Variants in HMG20A observed in about 807,000 individuals in gnomAD.
The protein encoded by HMG20A is high mobility group protein 20A.
A neutral mutation model predicts 43.9 loss-of-function variants in HMG20A; 17 were observed. That is an observed-to-expected ratio of 0.39 (90% CI 0.27 to 0.58). The LOEUF (loss-of-function observed/expected upper bound fraction) is 0.58, where lower values mean the gene tolerates loss of function less well. HMG20A is among the 20% of genes least tolerant of loss of function. HMG20A has a pLI of 0.59. For synonymous variants in HMG20A, 132 were observed against 147.5 expected (o/e 0.89, Z 0.76); for missense variants, 341 against 438.2 (o/e 0.78, Z 1.98).
intron 1 of HMG20A, chr15:77,458,150 A>T (rs2072672998): frequency 3.3e-6 from 1 of 304,504 alleles, no homozygotes; most frequent in Non-Finnish European, 6.2e-6. Context: ...AATAAAAAGG[A>T]ATTTTCCAAA....
At chr15:77,424,224 T>C in intron 1 of HMG20A, among the ~76,000 whole-genome samples, 1 of 152,130 alleles carries the variant, frequency 6.6e-6, no homozygotes, top group East Asian at 1.9e-4. Context: ...GCCTAATTTT[T>C]CTCCAGACCA....
rs2073702129 is a variant in HMG20A, at chr15:77,448,696, T to C, written c.-4-9708T>C. On this transcript the variant is annotated intron_variant, in intron 1 of 9. Coordinates refer to ENST00000336216, the MANE Select transcript of HMG20A (RefSeq NM_001304504.2). ...TGGTCATTGCTGTATTCCCAATGCATAGAAAATGCCCAGGATAGTAGATAA... is the reference window on the plus strand; with the variant it reads ...TGGTCATTGCTGTATTCCCAATGCACAGAAAATGCCCAGGATAGTAGATAA... 2.0e-5 allele frequency among the ~76,000 whole-genome samples: 3 copies of C among 152,194 alleles called. No homozygotes were observed. In the South Asian group the frequency reaches 6.2e-4, roughly 32 times the overall value.
At chr15:77,434,248 G>GA (rs200189935) in intron 1 of HMG20A, among the ~76,000 whole-genome samples, 1,566 of 152,194 alleles carry the variant, frequency 0.01, 19 homozygotes, top group African/African-American at 0.034. Context: ...AGCTAAATGT[G>GA]AAAGAAAAAT....
chr15:77,433,006 TA>T (rs1290893600), intron 1 of HMG20A, among the ~76,000 whole-genome samples: 3 of 152,144 alleles, frequency 2.0e-5, no homozygotes, highest in Admixed American at 6.5e-5. Context: ...AATTGGCATA[TA>T]AAAAATTGAC....
At chr15:77,474,257 T>C (rs987104112) in intron 6 of HMG20A, among the ~76,000 whole-genome samples, 4 of 152,144 alleles carry the variant, frequency 2.6e-5, no homozygotes, top group Non-Finnish European at 4.4e-5. Context: ...AGCAAATATC[T>C]TGCAGTGTCT....
chr15:77,487,747 G>A (rs1567411093), downstream of HMG20A, among the ~76,000 whole-genome samples: 1 of 152,196 alleles, frequency 6.6e-6, no homozygotes, highest in African/African-American at 2.4e-5. Context: ...CCCTCTGAAA[G>A]AATTTCCTGC....
chr15:77,433,698 T>C (rs1328793120), intron 1 of HMG20A, among the ~76,000 whole-genome samples: 1 of 152,038 alleles, frequency 6.6e-6, no homozygotes, highest in Non-Finnish European at 1.5e-5. Flanking sequence ...ATCAAACAAA[T>C]CAAATTTAAG....
Position 77,471,028 on chromosome 15 carries a change from A to G in HMG20A, c.569A>G (p.Lys190Arg). Residue 190 changes from lysine (K) to arginine (R), a missense_variant, in exon 5 of 10, where the codon AAA becomes AGA. Coordinates refer to ENST00000336216, the MANE Select transcript of HMG20A (RefSeq NM_001304504.2). ...AAAACCCAGGACCGTCAGAAAGGCA[A>G]ATCTCATAGGCAAGGTATCAAAACC... is the stretch of plus-strand genomic sequence containing the variant. Reference protein sequence around the residue: ...SRKTQDRQKGKSHRQDAARQA... With the variant: ...SRKTQDRQKGRSHRQDAARQA... 1.9e-6 allele frequency: 3 copies of G among 1,611,630 alleles called. No individual in the cohort carries two copies. Among genetic ancestry groups the G allele is most frequent in the African/African-American group, 1.3e-5 (1 of 74,844 alleles).
chr15:77,456,812 C>T (rs2142322303), intron 1 of HMG20A, among the ~76,000 whole-genome samples: 1 of 152,264 alleles, frequency 6.6e-6, no homozygotes, highest in Admixed American at 6.5e-5. Flanking sequence ...AGGCTTTAAT[C>T]TCGCCTTTGT....
At chr15:77,511,688 A>C in the HMG20A span, among the ~76,000 whole-genome samples, 1 of 152,230 alleles carries the variant, frequency 6.6e-6, no homozygotes, top group Non-Finnish European at 1.5e-5. Flanking sequence ...CACTAGAGAA[A>C]TGTAAAGCAA....
chr15:77,420,888 A>C lies in HMG20A; in HGVS notation c.-121A>C. 1 of 398,810 alleles carries C rather than the reference A, an allele frequency of 2.5e-6. No individual in the cohort carries two copies. The highest frequency in any genetic ancestry group is 4.4e-6 in the Non-Finnish European group (1 of 226,154). The allele number at this position is 398,810 out of a possible 1,614,324, so 24.7% of individuals were successfully genotyped here. A position where few individuals can be genotyped will look rare whatever the true frequency, so the allele number is the denominator to read the frequency against. On this transcript the variant is annotated 5_prime_UTR_variant, in exon 1 of 10. Coordinates refer to ENST00000336216, the MANE Select transcript of HMG20A (RefSeq NM_001304504.2). Reference sequence around the variant, plus strand: ...AAGTGCTGCGGAAGAATTTTTGTCCAGCTGTGAGACGACGAGTGCGTGAAG... The same window carrying C: ...AAGTGCTGCGGAAGAATTTTTGTCCCGCTGTGAGACGACGAGTGCGTGAAG...
intron 1 of HMG20A, among the ~76,000 whole-genome samples, chr15:77,449,303 T>C (rs2073709778): frequency 6.6e-6 from 1 of 152,124 alleles, no homozygotes; most frequent in Non-Finnish European, 1.5e-5. Flanking sequence ...TCCTCGTCTT[T>C]TTCCCTCTCA....
intron 1 of HMG20A, among the ~76,000 whole-genome samples, chr15:77,429,834 TGAAAAG>T (rs2073466134): frequency 6.6e-6 from 1 of 152,104 alleles, no homozygotes; most frequent in African/African-American, 2.4e-5. Context: ...TTTGCAAAAA[TGAAAAG>T]GAGAAACATC....
At chr15:77,519,055 C>T in the HMG20A span, among the ~76,000 whole-genome samples, 2 of 152,132 alleles carry the variant, frequency 1.3e-5, no homozygotes, top group East Asian at 3.8e-4. Flanking sequence ...GCCCGGGTCA[C>T]GCAGCAATAG....
intron 6 of HMG20A, among the ~76,000 whole-genome samples, chr15:77,475,494 A>G (rs1231722452): frequency 6.6e-6 from 1 of 152,204 alleles, no homozygotes; most frequent in Non-Finnish European, 1.5e-5. Context: ...GAGGAGAGGG[A>G]TCTTTGTACC....
intron 1 of HMG20A, among the ~76,000 whole-genome samples, chr15:77,422,457 A>T (rs962810913): frequency 5.3e-5 from 8 of 152,164 alleles, no homozygotes; most frequent in Non-Finnish European, 1.0e-4. Flanking sequence ...CTCTACTAAA[A>T]ATACAAAAAT....
At chr15:77,442,071 C>G (rs947373817) in intron 1 of HMG20A, among the ~76,000 whole-genome samples, 3 of 152,120 alleles carry the variant, frequency 2.0e-5, no homozygotes, top group African/African-American at 4.8e-5. Context: ...CAACAACTTA[C>G]CAAAAGCTTG....
chr15:77,432,112 A>C (rs1163588279), intron 1 of HMG20A, among the ~76,000 whole-genome samples: 1 of 152,212 alleles, frequency 6.6e-6, no homozygotes, highest in African/African-American at 2.4e-5. Flanking sequence ...TATCTTTTCA[A>C]CATAGTGATT....
intron 1 of HMG20A, among the ~76,000 whole-genome samples, chr15:77,443,602 G>A (rs926178896): frequency 1.3e-5 from 2 of 151,568 alleles, no homozygotes; most frequent in African/African-American, 4.8e-5. Flanking sequence ...ATGTTGGCCA[G>A]GCTCGTCTTG....
Sources: gnomAD v4.1 joint callset for allele counts (sites outside exome capture counted in the v4.1 genomes callset) on GRCh38, gnomAD v4.1.1 for gene constraint, MANE v1.5 for transcripts, NCBI Gene and HGNC (gene_info 2026-07-23, HGNC 2026-07-21) for gene names.